EVI5: variants seen among roughly 807,000 people sequenced by gnomAD.
The protein encoded by EVI5 is ecotropic viral integration site 5 protein homolog.
Under a neutral mutation model 112.0 loss-of-function variants are expected in EVI5, and 73 were observed. The observed-to-expected ratio is 0.65, with a 90% CI of 0.54 to 0.79. EVI5 has a LOEUF of 0.79. EVI5 is among the 30% of genes least tolerant of loss of function. EVI5 has a pLI of 0.00. For missense variants in EVI5, 900 were observed against 968.8 expected (o/e 0.93, Z 0.94); for synonymous variants, 305 against 319.9 (o/e 0.95, Z 0.50).
chr1:92,679,183 A>C (rs1409875169), intron 9 of EVI5, among the ~76,000 whole-genome samples: 1 of 152,148 alleles, frequency 6.6e-6, no homozygotes, highest in Non-Finnish European at 1.5e-5. Flanking sequence ...TCCTTATGAG[A>C]ATCTCATGAC....
upstream of EVI5, among the ~76,000 whole-genome samples, chr1:92,785,284 A>G (rs567972414): frequency 6.6e-6 from 1 of 152,322 alleles, no homozygotes; most frequent in East Asian, 1.9e-4. Flanking sequence ...TCAAAGCACC[A>G]GCCTTCAGTC....
chr1:92,660,636 G>A (rs573611454), intron 13 of EVI5, among the ~76,000 whole-genome samples: 1 of 151,966 alleles, frequency 6.6e-6, no homozygotes, highest in Non-Finnish European at 1.5e-5. Flanking sequence ...TAATTACTCT[G>A]ATTTGATGTG....
chr1:92,789,402 A>C (rs899878499), upstream of EVI5, among the ~76,000 whole-genome samples: 6 of 151,650 alleles, frequency 4.0e-5, no homozygotes, highest in Admixed American at 6.6e-5. Flanking sequence ...TCCTGGGTTC[A>C]CGCCATTCTC....
intron 2 of EVI5, among the ~76,000 whole-genome samples, chr1:92,733,882 ACTGCTC>A (rs1249027174): frequency 6.6e-6 from 1 of 152,190 alleles, no homozygotes; most frequent in Non-Finnish European, 1.5e-5. Flanking sequence ...TGGCTGTAGC[ACTGCTC>A]CAAGTCATCT....
chr1:92,648,207 AAAAAAAAAAAACAAAAAC>A (rs1485029686), intron 13 of EVI5, among the ~76,000 whole-genome samples: 152 of 2,026 alleles, frequency 0.075, 1 homozygote, highest in African/African-American at 0.25. Context: ...AAAAAAAAAA[AAAAAAAAAAAACAAAAAC>A]CAGCCGGGCA....
At chr1:92,744,303 C>CTA (rs1185579031) in intron 1 of EVI5, among the ~76,000 whole-genome samples, 2 of 152,058 alleles carry the variant, frequency 1.3e-5, no homozygotes, top group African/African-American at 4.8e-5. Context: ...ATGAAGCAGT[C>CTA]TATATATATC....
At chr1:92,530,994 T>C (rs1194991465) in intron 19 of EVI5, among the ~76,000 whole-genome samples, 1 of 151,842 alleles carries the variant, frequency 6.6e-6, no homozygotes, top group Non-Finnish European at 1.5e-5. Flanking sequence ...TCCTCTGCAC[T>C]AAAGGAGCAT....
intron 18 of EVI5, among the ~76,000 whole-genome samples, chr1:92,584,118 A>G (rs919965179): frequency 6.6e-6 from 1 of 152,182 alleles, no homozygotes; most frequent in Non-Finnish European, 1.5e-5. Context: ...AATATTTTAT[A>G]TTATACCCAC....
At chr1:92,585,969 T>A (rs1672710918) in intron 18 of EVI5, among the ~76,000 whole-genome samples, 1 of 152,122 alleles carries the variant, frequency 6.6e-6, no homozygotes, top group Non-Finnish European at 1.5e-5. Context: ...TTTTTGATGA[T>A]CTTGTCAGCC....
chr1:92,732,330 C>T (rs1676611959), intron 2 of EVI5: 2 of 392,038 alleles, frequency 5.1e-6, no homozygotes, highest in South Asian at 2.2e-5. Flanking sequence ...TACATGACTG[C>T]CACTCAGTAA....
rs1659095915 is a variant in EVI5 at position 92,509,995 on chromosome 1, G to A, written c.*3661C>T. The A allele has an allele frequency of 6.6e-6, 1 of 152,182 alleles. No homozygotes were observed. The highest frequency in any genetic ancestry group is 2.4e-5 in the African/African-American group (1 of 41,440). The allele number at this position is 152,182 out of a possible 1,614,324, so 9.4% of individuals were successfully genotyped here. On this transcript the variant is annotated 3_prime_UTR_variant, in exon 20 of 20. Transcript: ENST00000684568. ...ACAACATACTTACATTAATTTGAAT[G>A]AAAAGGAGTCAAACCAAGGCATAAT...
At chr1:92,659,873 G>A (rs943403939) in intron 13 of EVI5, among the ~76,000 whole-genome samples, 1 of 151,906 alleles carries the variant, frequency 6.6e-6, no homozygotes, top group Non-Finnish European at 1.5e-5. Context: ...AAAAAATGGT[G>A]TGTATATACA....
intron 19 of EVI5, among the ~76,000 whole-genome samples, chr1:92,554,509 T>C (rs764601263): frequency 2.0e-4 from 30 of 152,248 alleles, no homozygotes; most frequent in Non-Finnish European, 3.5e-4. Flanking sequence ...AATATGATTC[T>C]TAAATCTCAG....
chr1:92,624,416 C>T, intron 15 of EVI5, 82 bp from the exon 16 acceptor site: 1 of 1,106,302 alleles, frequency 9.0e-7, no homozygotes, highest in Non-Finnish European at 1.3e-6. Flanking sequence ...TATTTCAGGC[C>T]TGTGATATAT....
At chr1:92,555,011 G>A (rs6685416) in intron 19 of EVI5, among the ~76,000 whole-genome samples, 1 of 151,920 alleles carries the variant, frequency 6.6e-6, no homozygotes, top group African/African-American at 2.4e-5. Context: ...GAAAAGAATG[G>A]GTTTTTAAAA....
At chr1:92,688,708 G>A (rs1558076576) in intron 9 of EVI5, among the ~76,000 whole-genome samples, 1 of 152,174 alleles carries the variant, frequency 6.6e-6, no homozygotes, top group Admixed American at 6.5e-5. Context: ...ACCAAGCTCT[G>A]AACATTTTCC....
intron 17 of EVI5, among the ~76,000 whole-genome samples, chr1:92,607,200 C>T (rs996958891): frequency 2.6e-5 from 4 of 152,114 alleles, no homozygotes; most frequent in Non-Finnish European, 1.5e-5. Context: ...AACATTACTG[C>T]CCACTAATAA....
chr1:92,554,031 C>A (rs1571500141), intron 19 of EVI5, among the ~76,000 whole-genome samples: 1 of 152,144 alleles, frequency 6.6e-6, no homozygotes, highest in Non-Finnish European at 1.5e-5. Flanking sequence ...GCTAGGAAAA[C>A]TGCCTGTTTT....
chr1:92,757,898 A>T (rs1681191475), intron 1 of EVI5, among the ~76,000 whole-genome samples: 1 of 114,326 alleles, frequency 8.7e-6, no homozygotes, highest in South Asian at 3.6e-4. Flanking sequence ...AGTGAGCGAG[A>T]CTCTGCCTCA....
Sources: allele counts gnomAD v4.1 joint callset (sites outside exome capture counted in the v4.1 genomes callset), GRCh38; gene constraint gnomAD v4.1.1; transcripts MANE v1.5; gene names NCBI Gene and HGNC (gene_info 2026-07-23, HGNC 2026-07-21).